IL1RAP: variants seen among roughly 807,000 people sequenced by gnomAD.
IL1RAP encodes interleukin 1 receptor accessory protein, also known as interleukin-1 receptor accessory protein.
IL1RAP carries 35 observed loss-of-function variants against 60.7 expected under a neutral mutation model. That is an observed-to-expected ratio of 0.58 (90% CI 0.44 to 0.76). The LOEUF (loss-of-function observed/expected upper bound fraction) is 0.76, where lower values mean the gene tolerates loss of function less well. Among genes scored for constraint, IL1RAP ranks in the 30% least tolerant of loss-of-function variants. The pLI, the probability that IL1RAP is intolerant of heterozygous loss-of-function variation, is 0.00. For synonymous variants in IL1RAP, 268 were observed against 250.9 expected (o/e 1.07, Z -0.64); for missense variants, 572 against 693.9 (o/e 0.82, Z 1.97).
chr3:190,583,651 A>C (rs1277626922), intron 3 of IL1RAP, among the ~76,000 whole-genome samples: 1 of 152,202 alleles, frequency 6.6e-6, no homozygotes, highest in Non-Finnish European at 1.5e-5. Flanking sequence ...AGAAACAGCT[A>C]TGGTGGTTTC....
intron 1 of IL1RAP, among the ~76,000 whole-genome samples, chr3:190,533,038 G>A (rs947481923): frequency 3.3e-5 from 5 of 152,074 alleles, no homozygotes; most frequent in Admixed American, 6.6e-5. Flanking sequence ...AAAACCCCTA[G>A]TCTCCTAGTT....
At chr3:190,532,307 G>C (rs1203898972) in intron 1 of IL1RAP, among the ~76,000 whole-genome samples, 1 of 146,400 alleles carries the variant, frequency 6.8e-6, no homozygotes. Flanking sequence ...CTGTCGCCCA[G>C]GCTGGAGTGC....
At chr3:190,576,205 TG>T (rs1727432167) in intron 3 of IL1RAP, among the ~76,000 whole-genome samples, 1 of 152,206 alleles carries the variant, frequency 6.6e-6, no homozygotes, top group South Asian at 2.1e-4. Flanking sequence ...TGGATACATT[TG>T]TAGATATGTC....
chr3:190,519,380 A>G (rs1721817101), intron 1 of IL1RAP, among the ~76,000 whole-genome samples: 1 of 152,202 alleles, frequency 6.6e-6, no homozygotes, highest in Non-Finnish European at 1.5e-5. Context: ...TCATTTAAAC[A>G]TAAAAATAAC....
At chr3:190,577,092 C>T (rs1727547241) in intron 3 of IL1RAP, among the ~76,000 whole-genome samples, 1 of 123,652 alleles carries the variant, frequency 8.1e-6, no homozygotes, top group Non-Finnish European at 1.6e-5. Flanking sequence ...CAGAGCGAGA[C>T]TCCGTCTCAA....
rs549782242 is a variant in IL1RAP, at chr3:190,521,816, A to G, written c.-89+7597A>G. Among the ~76,000 whole-genome samples, 728 of 152,134 alleles carry G rather than the reference A, an allele frequency of 4.8e-3. 7 individuals carry two copies. Among genetic ancestry groups the G allele is most frequent in the Admixed American group, 9.8e-3 (150 of 15,280 alleles). On this transcript the variant is annotated intron_variant, in intron 1 of 11. Coordinates refer to ENST00000447382, the MANE Select transcript of IL1RAP (RefSeq NM_002182.4). ...GTAGATGACTCGGTTAGGCACATGG[A>G]CATTTAATATTTGGGAAATGATAAT... is the stretch of plus-strand genomic sequence containing the variant.
At chr3:190,588,408 G>C (rs888379695) in intron 3 of IL1RAP, among the ~76,000 whole-genome samples, 1 of 152,176 alleles carries the variant, frequency 6.6e-6, no homozygotes, top group Non-Finnish European at 1.5e-5. Flanking sequence ...CACCATGCCC[G>C]GCCTACATCT....
intron 2 of IL1RAP, among the ~76,000 whole-genome samples, chr3:190,559,443 T>C (rs1725701645): frequency 6.6e-6 from 1 of 152,172 alleles, no homozygotes; most frequent in Non-Finnish European, 1.5e-5. Flanking sequence ...TTCTTCTTTC[T>C]GTAGTTTCTT....
chr3:190,550,000 A>G (rs1724723272), intron 1 of IL1RAP, among the ~76,000 whole-genome samples: 1 of 152,124 alleles, frequency 6.6e-6, no homozygotes, highest in African/African-American at 2.4e-5. Context: ...TGCGTGAGGG[A>G]GAGAAGGAAG....
chr3:190,555,031 C>T (rs1476788617), intron 1 of IL1RAP, among the ~76,000 whole-genome samples: 3 of 152,146 alleles, frequency 2.0e-5, no homozygotes, highest in African/African-American at 7.2e-5. Context: ...GTCTCATAGA[C>T]AGGATCGTGA....
chr3:190,608,943 C>G (rs537054512), intron 4 of IL1RAP, 52 bp from the exon 5 acceptor site: 11 of 1,413,628 alleles, frequency 7.8e-6, no homozygotes, highest in Admixed American at 7.2e-5. Flanking sequence ...TGTGGTTGCT[C>G]TATGAAATCA....
intron 1 of IL1RAP, among the ~76,000 whole-genome samples, chr3:190,533,471 A>G (rs776269557): frequency 1.8e-4 from 27 of 152,206 alleles, no homozygotes; most frequent in Non-Finnish European, 3.4e-4. Flanking sequence ...AATTAACACC[A>G]ACTAGTGATG....
chr3:190,514,877 C>T (rs766645368), intron 1 of IL1RAP, among the ~76,000 whole-genome samples: 1 of 145,854 alleles, frequency 6.9e-6, no homozygotes, highest in Non-Finnish European at 1.5e-5. Context: ...CAGGGTGCCC[C>T]TCACTTGGGA....
At chr3:190,569,425 A>G (rs530773902) in intron 3 of IL1RAP, among the ~76,000 whole-genome samples, 2 of 152,324 alleles carry the variant, frequency 1.3e-5, no homozygotes, top group East Asian at 1.9e-4. Context: ...ATGGCTGGTC[A>G]TCCTGAACAC....
chr3:190,567,423 C>T (rs1473041007), intron 3 of IL1RAP, among the ~76,000 whole-genome samples: 1 of 152,194 alleles, frequency 6.6e-6, no homozygotes, highest in Non-Finnish European at 1.5e-5. Flanking sequence ...ATGTCAGTCT[C>T]ACACCCAAAC....
At chr3:190,560,807 G>A (rs1229777974) in intron 2 of IL1RAP, among the ~76,000 whole-genome samples, 1 of 152,216 alleles carries the variant, frequency 6.6e-6, no homozygotes. Flanking sequence ...GGAAGTAGAT[G>A]TTAAGGTGCT....
chr3:190,615,491 A>T, intron 5 of IL1RAP: 1 of 314,748 alleles, frequency 3.2e-6, no homozygotes, highest in Admixed American at 3.9e-5. Flanking sequence ...TCTTTTAGAG[A>T]TGCTTATAAA....
intron 7 of IL1RAP, among the ~76,000 whole-genome samples, chr3:190,625,640 T>C (rs1220232882): frequency 3.3e-5 from 5 of 152,120 alleles, no homozygotes; most frequent in Non-Finnish European, 7.4e-5. Flanking sequence ...GACAGAGAAA[T>C]TTGATTTTGC....
At chr3:190,635,397 C>T (rs1250925365) in intron 9 of IL1RAP, among the ~76,000 whole-genome samples, 1 of 151,820 alleles carries the variant, frequency 6.6e-6, no homozygotes, top group Non-Finnish European at 1.5e-5. Context: ...GCATACTTTG[C>T]ACTTCATTTT....
Sources: allele counts gnomAD v4.1 joint callset (sites outside exome capture counted in the v4.1 genomes callset), GRCh38; gene constraint gnomAD v4.1.1; transcripts MANE v1.5; gene names NCBI Gene and HGNC (gene_info 2026-07-23, HGNC 2026-07-21).